Variants in SCAPER observed in about 807,000 individuals in gnomAD.
SCAPER encodes S phase cyclin A-associated protein in the endoplasmic reticulum.
In SCAPER, 98 loss-of-function variants were observed where a neutral mutation model predicts 182.2. The ratio of observed to expected loss-of-function variants is 0.54; its 90% CI spans 0.46 to 0.64. The LOEUF (loss-of-function observed/expected upper bound fraction) is 0.64, where lower values mean the gene tolerates loss of function less well. SCAPER is among the 30% of genes least tolerant of loss of function. SCAPER has a pLI of 0.00. For missense variants in SCAPER, 1,432 were observed against 1,690.0 expected (o/e 0.85, Z 2.68); for synonymous variants, 605 against 564.6 (o/e 1.07, Z -1.01).
intron 10 of SCAPER, among the ~76,000 whole-genome samples, chr15:76,770,175 C>T (rs1303733604): frequency 6.5e-4 from 51 of 78,748 alleles, no homozygotes; most frequent in Non-Finnish European, 8.4e-4. Context: ...GGACACAGGG[C>T]GGGGAACATC....
intron 14 of SCAPER, among the ~76,000 whole-genome samples, chr15:76,763,908 C>T (rs2062950079): frequency 6.6e-6 from 1 of 151,822 alleles, no homozygotes; most frequent in Admixed American, 6.6e-5. Flanking sequence ...CGTTCACTGA[C>T]CTTCAACAGT....
At chr15:76,805,238 T>C (rs1055451401) in intron 5 of SCAPER, among the ~76,000 whole-genome samples, 3 of 152,218 alleles carry the variant, frequency 2.0e-5, no homozygotes, top group African/African-American at 4.8e-5. Context: ...AAACTTTGTA[T>C]CCAGGTTTTT....
chr15:76,547,883 T>A (rs1459387312), intron 23 of SCAPER, among the ~76,000 whole-genome samples: 1 of 152,164 alleles, frequency 6.6e-6, no homozygotes, highest in Admixed American at 6.5e-5. Context: ...GTTTGGTTAT[T>A]CTCACTCATT....
chr15:76,399,282 T>C (rs2044292490), intron 27 of SCAPER, among the ~76,000 whole-genome samples: 1 of 152,018 alleles, frequency 6.6e-6, no homozygotes, highest in South Asian at 2.1e-4. Flanking sequence ...GGATTACAGG[T>C]GCCTGCCACC....
At chr15:76,726,947 T>G (rs1477828426) in intron 17 of SCAPER, among the ~76,000 whole-genome samples, 2 of 151,996 alleles carry the variant, frequency 1.3e-5, no homozygotes, top group Non-Finnish European at 2.9e-5. Context: ...AAAATATCAA[T>G]GTACTCAAGG....
chr15:76,372,777 A>G (rs982723602), intron 29 of SCAPER, among the ~76,000 whole-genome samples: 5 of 152,226 alleles, frequency 3.3e-5, no homozygotes, highest in African/African-American at 1.2e-4. Flanking sequence ...TAGGTAAACC[A>G]TGAATGTCCA....
At chr15:76,745,306 A>AGGCGTGGT (rs1194074705) in intron 15 of SCAPER, among the ~76,000 whole-genome samples, 1 of 152,060 alleles carries the variant, frequency 6.6e-6, no homozygotes, top group Non-Finnish European at 1.5e-5. Flanking sequence ...AAAATTAGCC[A>AGGCGTGGT]GGCGTGGTGG....
intron 21 of SCAPER, among the ~76,000 whole-genome samples, chr15:76,635,736 C>G (rs1056883988): frequency 6.6e-6 from 1 of 151,616 alleles, no homozygotes; most frequent in African/African-American, 2.4e-5. Flanking sequence ...AAGTTGCCTT[C>G]TAGTCCTAGT....
At chr15:76,675,995 T>C (rs2057350351) in intron 20 of SCAPER, among the ~76,000 whole-genome samples, 1 of 152,126 alleles carries the variant, frequency 6.6e-6, no homozygotes, top group Non-Finnish European at 1.5e-5. Context: ...TGGCTAATTT[T>C]TGTATTTTTA....
chr15:76,465,305 G>A (rs570845500), intron 25 of SCAPER, among the ~76,000 whole-genome samples: 42 of 152,188 alleles, frequency 2.8e-4, no homozygotes, highest in African/African-American at 1.0e-3. Flanking sequence ...GACAGAAGGG[G>A]CAAGGCAGCT....
intron 20 of SCAPER, among the ~76,000 whole-genome samples, chr15:76,680,692 T>A (rs2057654406): frequency 6.6e-6 from 1 of 151,976 alleles, no homozygotes; most frequent in African/African-American, 2.4e-5. Context: ...GCCTAGAACC[T>A]CCCTCTTCAC....
intron 21 of SCAPER, among the ~76,000 whole-genome samples, chr15:76,656,786 C>T (rs1200252110): frequency 6.6e-6 from 1 of 152,068 alleles, no homozygotes; most frequent in East Asian, 1.9e-4. Flanking sequence ...ACAACCTGCT[C>T]CCAAATGACT....
At chr15:76,828,369 C>T (rs59662452) in intron 5 of SCAPER, among the ~76,000 whole-genome samples, 7,743 of 151,052 alleles carry the variant, frequency 0.051, 582 homozygotes, top group African/African-American at 0.16. Flanking sequence ...CAAGTTATTC[C>T]ATTATTCAAC....
intron 27 of SCAPER, among the ~76,000 whole-genome samples, chr15:76,393,591 G>A (rs933662133): frequency 3.3e-5 from 5 of 152,182 alleles, no homozygotes; most frequent in African/African-American, 1.2e-4. Flanking sequence ...TATAACCACA[G>A]CAACATTTCT....
chr15:76,719,311 C>A (rs1416173879), intron 17 of SCAPER, among the ~76,000 whole-genome samples: 1 of 152,090 alleles, frequency 6.6e-6, no homozygotes, highest in Non-Finnish European at 1.5e-5. Context: ...TGCATGATCT[C>A]ACTTATATGT....
chr15:76,621,653 C>A, intron 22 of SCAPER, 111 bp downstream of exon 22: 1 of 904,536 alleles, frequency 1.1e-6, no homozygotes, highest in African/African-American at 1.7e-5. Flanking sequence ...GAATGCTGTT[C>A]TAGAAATTAG....
intron 17 of SCAPER, among the ~76,000 whole-genome samples, chr15:76,723,847 C>T (rs2060416538): frequency 6.6e-6 from 1 of 152,164 alleles, no homozygotes; most frequent in African/African-American, 2.4e-5. Flanking sequence ...TTCCTGAATA[C>T]AGCACACTGA....
chr15:76,731,839 T>C (rs1173101503), intron 16 of SCAPER, among the ~76,000 whole-genome samples: 1 of 152,244 alleles, frequency 6.6e-6, no homozygotes, highest in Non-Finnish European at 1.5e-5. Flanking sequence ...CCTACTAGTT[T>C]AGTAAACTGT....
chr15:76,508,930 T>G (rs1054030206), intron 23 of SCAPER, among the ~76,000 whole-genome samples: 1 of 152,168 alleles, frequency 6.6e-6, no homozygotes, highest in Non-Finnish European at 1.5e-5. Context: ...TCATATAGTA[T>G]GTATAAATAT....
Sources: gnomAD v4.1 joint callset for allele counts (sites outside exome capture counted in the v4.1 genomes callset) on GRCh38, gnomAD v4.1.1 for gene constraint, MANE v1.5 for transcripts, NCBI Gene and HGNC (gene_info 2026-07-23, HGNC 2026-07-21) for gene names.